KIAA1614: variants seen among roughly 807,000 people sequenced by gnomAD.
KIAA1614 encodes uncharacterized protein KIAA1614.
KIAA1614 carries 76 observed loss-of-function variants against 88.7 expected under a neutral mutation model. The ratio of observed to expected loss-of-function variants is 0.86; its 90% CI spans 0.71 to 1.04. The LOEUF is 1.04. Among genes scored for constraint, KIAA1614 ranks in the 50% least tolerant of loss-of-function variants. The pLI, the probability that KIAA1614 is intolerant of heterozygous loss-of-function variation, is 0.00. For missense variants in KIAA1614, 1,553 were observed against 1,582.5 expected, an observed-to-expected ratio of 0.98 and a Z score of 0.32; for synonymous variants, 714 against 675.5, an observed-to-expected ratio of 1.06 and a Z score of -0.88.
rs771756923 is a variant in KIAA1614 at position 180,935,481 on chromosome 1, CCCGGCACCG to C, written c.1582_1590del (p.Pro528_Pro530del). ...TGGGCAGCCTGGACCGCAGGGGACA[CCCGGCACCG>C]CCGGCACCGGGCAGCGAGAGGAGGT... On this transcript the variant is annotated inframe_deletion, in exon 5 of 9. Coordinates refer to ENST00000367588, the MANE Select transcript of KIAA1614 (RefSeq NM_020950.2). This position sits in a 1 kb window ranked among gnomAD's most constrained non-coding sequence, Gnocchi z 6.1. 2.9e-5 allele frequency: 43 copies of C among 1,481,864 alleles called. No individual in the cohort carries two copies. The highest frequency in any genetic ancestry group is 1.8e-4 in the Middle Eastern group (1 of 5,594). 91.8% of individuals were successfully genotyped at this position (1,481,864 alleles called of 1,614,324 possible).
Position 180,946,943 on chromosome 1 carries a change from T to C in KIAA1614, c.*1355T>C, listed in dbSNP as rs1448136500. ...ATCTATAAAATGTGTACTCTTGTTA[T>C]GTATAATGTGCTACGTATGTCAGAT... On this transcript the variant is annotated 3_prime_UTR_variant, in exon 9 of 9. Coordinates refer to ENST00000367588, the MANE Select transcript of KIAA1614 (RefSeq NM_020950.2). The C allele has an allele frequency of 1.3e-5, 2 of 152,290 alleles. No individual in the cohort carries two copies. The highest frequency in any genetic ancestry group is 1.3e-4 in the Admixed American group (2 of 15,288). 9.4% of individuals were successfully genotyped at this position (152,290 alleles called of 1,614,324 possible). A position where few individuals can be genotyped will look rare whatever the true frequency, so the allele number is the denominator to read the frequency against.
intron 5 of KIAA1614, 36 bp downstream of exon 5, chr1:180,936,706 C>A: frequency 2.1e-6 from 3 of 1,396,764 alleles, no homozygotes; most frequent in Non-Finnish European, 2.8e-6. Context: ...CCAGCCCAGG[C>A]CTGGTGTGGT....
chr1:180,940,035 C>T (rs1654418686), intron 6 of KIAA1614, among the ~76,000 whole-genome samples: 1 of 152,220 alleles, frequency 6.6e-6, no homozygotes, highest in African/African-American at 2.4e-5. Context: ...CCTTCCCCAC[C>T]ACTCCATTTC....
At chr1:180,917,147 A>G (rs1192178985) in intron 2 of KIAA1614, 47 bp downstream of exon 2, 51 of 1,495,522 alleles carry the variant, frequency 3.4e-5, no homozygotes, top group Non-Finnish European at 4.5e-5. Context: ...GCAGGAGGGA[A>G]TCCAGAGGGA....
rs780211782 is a variant in KIAA1614 at position 180,947,236 on chromosome 1, CAG to C, written c.*1651_*1652del. 6.6e-6 allele frequency: 1 copy of C among 152,338 alleles called. No individual in the cohort carries two copies. The highest frequency in any genetic ancestry group is 2.4e-5 in the African/African-American group (1 of 41,430). 9.4% of individuals were successfully genotyped at this position (152,338 alleles called of 1,614,324 possible). ...AGAGCAGGCAACGGGTTGGGAGGAG[CAG>C]AGTTTGGAAAGATGGGGTTGTGCCA... On this transcript the variant is annotated 3_prime_UTR_variant, in exon 9 of 9. Coordinates refer to ENST00000367588, the MANE Select transcript of KIAA1614 (RefSeq NM_020950.2).
Position 180,950,581 on chromosome 1 carries a change from G to A in KIAA1614, c.*4993G>A. 9.7e-7 allele frequency: 1 copy of A among 1,032,584 alleles called. No homozygotes were observed. Among genetic ancestry groups the A allele is most frequent in the Non-Finnish European group, 1.2e-6 (1 of 841,552 alleles). The allele number at this position is 1,032,584 out of a possible 1,614,324, so 64.0% of individuals were successfully genotyped here. A position where few individuals can be genotyped will look rare whatever the true frequency, so the allele number is the denominator to read the frequency against. ...CTGTCACGGCCTCGGAAGCCCTGAA[G>A]CACTCAGGGTGGTTGGCAGGAACGT... On this transcript the variant is annotated 3_prime_UTR_variant, in exon 9 of 9. Transcript: ENST00000367588.
At chr1:180,914,990 G>A (rs886546193) in intron 1 of KIAA1614, among the ~76,000 whole-genome samples, 1 of 151,092 alleles carries the variant, frequency 6.6e-6, no homozygotes, top group Non-Finnish European at 1.5e-5. Flanking sequence ...TTTAATGGAG[G>A]AGGGGGTTTC....
intron 7 of KIAA1614, among the ~76,000 whole-genome samples, chr1:180,942,812 T>C (rs1462636344): frequency 2.6e-5 from 4 of 151,856 alleles, no homozygotes; most frequent in East Asian, 1.9e-4. Context: ...TGGACAGAGA[T>C]AGGAAGTCGA....
intron 8 of KIAA1614, 83 bp from the exon 9 acceptor site, chr1:180,945,220 C>A: frequency 7.0e-7 from 1 of 1,422,374 alleles, no homozygotes; most frequent in Non-Finnish European, 9.4e-7. Context: ...GTCTGTGAGG[C>A]ATCGGTCATC....
At position 180,916,266 on chromosome 1, in the gene KIAA1614, T is replaced by C; in HGVS notation, c.163T>C (p.Cys55Arg). The change falls in exon 2 of 9, where the codon TGC (cysteine) becomes CGC (arginine). Residue 55 changes from cysteine (C) to arginine (R), a missense_variant. Physicochemically the swap from Cys to Arg is radical, Grantham distance 180 (BLOSUM62 -3). Transcript: ENST00000367588. ...CGGACACCCCCCAAGACCCTGGCCT[T>C]GCCCTCAGGAAAACAGAACATCCAG... ...DNGHPPRPWP[C>R]PQENRTSSLM... The C allele has an allele frequency of 1.2e-6, 2 of 1,613,722 alleles. No individual in the cohort carries two copies. The highest frequency in any genetic ancestry group is 1.7e-6 in the Non-Finnish European group (2 of 1,179,954).
chr1:180,925,558 C>A (rs61279725), intron 3 of KIAA1614, among the ~76,000 whole-genome samples: 2,050 of 152,340 alleles, frequency 0.013, 36 homozygotes, highest in African/African-American at 0.046. Flanking sequence ...CAGAAGAAGG[C>A]CACTCTGTCC....
rs372482517 is a variant in KIAA1614 at position 180,941,015 on chromosome 1, C to T, written c.2919-30C>T. On this transcript the variant is annotated intron_variant, in intron 6 of 8. Coordinates refer to ENST00000367588, the MANE Select transcript of KIAA1614 (RefSeq NM_020950.2). Reference sequence around the variant, plus strand: ...CCTGGCCACCCTCCCGGCCCTCCCCCGCCCCCTCACCTCCACCCTTGTGTT... The same window carrying T: ...CCTGGCCACCCTCCCGGCCCTCCCCTGCCCCCTCACCTCCACCCTTGTGTT... The T allele has an allele frequency of 6.4e-4, 873 of 1,358,474 alleles. 9 individuals carry two copies. The highest frequency in any genetic ancestry group is 1.1e-3 in the Middle Eastern group (4 of 3,656). The allele number at this position is 1,358,474 out of a possible 1,614,324, so 84.2% of individuals were successfully genotyped here.
chr1:180,924,366 G>A (rs145396616), intron 3 of KIAA1614, among the ~76,000 whole-genome samples: 8 of 152,364 alleles, frequency 5.3e-5, no homozygotes, highest in African/African-American at 1.9e-4. Context: ...AGGCCAAGAG[G>A]TTCTCACCAA....
intron 7 of KIAA1614, among the ~76,000 whole-genome samples, chr1:180,943,660 GC>G (rs1317009205): frequency 6.8e-6 from 1 of 146,488 alleles, no homozygotes; most frequent in African/African-American, 2.5e-5. Flanking sequence ...TGAGTCTCCT[GC>G]TTCAGCCTCC....
Position 180,936,339 on chromosome 1 carries a change from T to C in KIAA1614, c.2430T>C (p.Pro810=). ...SLCPEGWAPT[P]PPSRKTTSPV... ...GTCCTGAAGGCTGGGCGCCAACCCC[T>C]CCCCCTTCGAGGAAAACCACCTCGC... The change falls in exon 5 of 9, where the codon CCT becomes CCC. Residue 810 remains proline, a synonymous_variant. Coordinates refer to ENST00000367588, the MANE Select transcript of KIAA1614 (RefSeq NM_020950.2). 1 of 1,613,846 alleles carries C rather than the reference T, an allele frequency of 6.2e-7. No individual in the cohort carries two copies. Among genetic ancestry groups the C allele is most frequent in the Non-Finnish European group, 8.5e-7 (1 of 1,179,932 alleles).
chr1:180,916,848 G>C lies in KIAA1614; in HGVS notation c.745G>C (p.Val249Leu), dbSNP rs1185307305. 1.9e-6 allele frequency: 3 copies of C among 1,614,116 alleles called. No individual in the cohort carries two copies. Among genetic ancestry groups the C allele is most frequent in the Non-Finnish European group, 2.5e-6 (3 of 1,180,046 alleles). ...GRSYPFPDGVVTEADLDSTSL... is the reference protein window; with the variant it reads ...GRSYPFPDGVLTEADLDSTSL... ...GTCCTACCCTTTTCCAGATGGCGTG[G>C]TGACAGAGGCAGATCTGGATAGCAC... The change falls in exon 2 of 9, where the codon GTG (valine) becomes CTG (leucine). Residue 249 changes from valine to leucine, a missense_variant. Transcript: ENST00000367588.
chr1:180,933,035 T>C (rs2102267620), intron 4 of KIAA1614, among the ~76,000 whole-genome samples: 1 of 152,324 alleles, frequency 6.6e-6, no homozygotes, highest in Non-Finnish European at 1.5e-5. Context: ...CCACTGCGCC[T>C]GGCCAGCAGG....
chr1:180,918,042 G>C (rs566260660), intron 3 of KIAA1614, 128 bp downstream of exon 3: 5 of 761,026 alleles, frequency 6.6e-6, no homozygotes, highest in Non-Finnish European at 4.5e-6. Flanking sequence ...CAGCAGACCA[G>C]TGGACGTCAT....
intron 7 of KIAA1614, among the ~76,000 whole-genome samples, chr1:180,943,843 C>T (rs1324125412): frequency 6.6e-6 from 1 of 152,060 alleles, no homozygotes; most frequent in East Asian, 1.9e-4. Context: ...CCACTGCACC[C>T]GGCACACACC....
Sources: allele counts gnomAD v4.1 joint callset (sites outside exome capture counted in the v4.1 genomes callset), GRCh38; gene constraint gnomAD v4.1.1; non-coding constraint Gnocchi (gnomAD v3.1); transcripts MANE v1.5; gene names NCBI Gene and HGNC (gene_info 2026-07-23, HGNC 2026-07-21).